N4BP2L2: variants seen among roughly 807,000 people sequenced by gnomAD.
N4BP2L2 encodes the protein NEDD4-binding protein 2-like 2.
A neutral mutation model predicts 56.2 loss-of-function variants in N4BP2L2; 50 were observed. The observed-to-expected ratio is 0.89, with a 90% CI of 0.71 to 1.13. The LOEUF is 1.13. Ranked by LOEUF, N4BP2L2 falls within the 50% of genes most tolerant of loss-of-function variation. N4BP2L2 has a pLI of 0.00. For missense variants in N4BP2L2, 689 were observed against 693.8 expected (o/e 0.99, Z 0.08); for synonymous variants, 203 against 223.6 (o/e 0.91, Z 0.82).
chr13:32,518,120 A>G, intron 5 of N4BP2L2, 117 bp from the exon 6 acceptor site: 3 of 925,178 alleles, frequency 3.2e-6, no homozygotes, highest in South Asian at 2.0e-5. Context: ...TAAACAATAT[A>G]TATTTCATCT....
intron 6 of N4BP2L2, among the ~76,000 whole-genome samples, chr13:32,456,378 A>T (rs765636904): frequency 5.9e-5 from 9 of 152,244 alleles, no homozygotes; most frequent in Non-Finnish European, 1.3e-4. Context: ...CTTAGGAAGA[A>T]GTCTTCCCCT....
chr13:32,437,042 G>A (rs1170080591), intron 8 of N4BP2L2, among the ~76,000 whole-genome samples: 12 of 151,710 alleles, frequency 7.9e-5, no homozygotes, highest in East Asian at 1.9e-4. Context: ...CACCACACAC[G>A]GCTAATTTTT....
chr13:32,467,289 CCT>C (rs1316318891), intron 6 of N4BP2L2, among the ~76,000 whole-genome samples: 3 of 150,726 alleles, frequency 2.0e-5, no homozygotes, highest in Admixed American at 6.6e-5. Flanking sequence ...ACAGAGTCTC[CCT>C]CTGTTACCCA....
rs1241680272 is a variant in N4BP2L2 at position 32,491,471 on chromosome 13, A to C, written c.365+26386T>G. Among the ~76,000 whole-genome samples the C allele has an allele frequency of 2.0e-5, 3 of 150,414 alleles. No individual in the cohort carries two copies. The Admixed American group carries it at 2.0e-4, about 10-fold the overall frequency. On this transcript the variant is annotated intron_variant, in intron 6 of 9. Transcript: ENST00000357505. ...GGTCACACCAAAAGAACTCTAGGCT[A>C]CAAAGTAGTTATGTCAATAATCAAC...
chr13:32,433,396 C>T (rs933200932), intron 9 of N4BP2L2, among the ~76,000 whole-genome samples: 1 of 152,074 alleles, frequency 6.6e-6, no homozygotes, highest in Admixed American at 6.5e-5. Context: ...TTTGGGAGGC[C>T]GAGGTGGGCA....
chr13:32,440,851 CTT>C (rs34532527), intron 7 of N4BP2L2, among the ~76,000 whole-genome samples: 18 of 134,584 alleles, frequency 1.3e-4, no homozygotes, highest in Non-Finnish European at 1.3e-4. Context: ...AAATAACAAT[CTT>C]TTTTTTTTTT....
intron 9 of N4BP2L2, among the ~76,000 whole-genome samples, chr13:32,434,290 G>T (rs2075220577): frequency 6.8e-6 from 1 of 147,564 alleles, no homozygotes; most frequent in African/African-American, 2.5e-5. Context: ...TAGAGACAGG[G>T]TTTCACCGTG....
intron 6 of N4BP2L2, chr13:32,446,339 T>C (rs2077045186): frequency 7.3e-7 from 1 of 1,361,140 alleles, no homozygotes; most frequent in Non-Finnish European, 9.8e-7. Flanking sequence ...GTTGTAACTC[T>C]CCTTCATGGC....
rs552156102 is a variant in N4BP2L2, at chr13:32,536,400, G to A, written c.628C>T (p.His210Tyr). 6 of 1,613,988 alleles carry A rather than the reference G, an allele frequency of 3.7e-6. No individual in the cohort carries two copies. In the South Asian group the frequency reaches 6.6e-5, roughly 18 times the overall value. The stretch of plus-strand genomic sequence containing the variant: ...TCAGGTTTTAAGAGACCATTATTAT[G>A]ACCCTCATAAAATGGAACAAATTGT... Residue 210 changes from histidine to tyrosine, a missense_variant, in exon 2 of 6, where the codon CAT becomes TAT. Transcript: ENST00000267068.
chr13:32,525,139 C>T (rs1365866386), intron 3 of N4BP2L2: 1 of 152,138 alleles, frequency 6.6e-6, no homozygotes, highest in African/African-American at 2.4e-5. Flanking sequence ...ACTGGCTCTG[C>T]CCTGTCTATT....
In N4BP2L2 at chr13:32,436,479, C is replaced by T. The variant is rs192735660; in HGVS notation, c.2191-74G>A. On this transcript the variant is annotated intron_variant, in intron 8 of 9. Transcript: ENST00000357505. ...GTTAAGTTTGCACTGTCATTTTACTCATGTAGGGACACTCCTAAAATGACA... is the reference window on the plus strand; with the variant it reads ...GTTAAGTTTGCACTGTCATTTTACTTATGTAGGGACACTCCTAAAATGACA... 5.8e-3 allele frequency: 3,589 copies of T among 623,572 alleles called. 12 individuals are homozygous for T. The highest frequency in any genetic ancestry group is 7.9e-3 in the Non-Finnish European group (2,937 of 372,548). 38.6% of individuals were successfully genotyped at this position (623,572 alleles called of 1,614,324 possible).
exon 6 of N4BP2L2, chr13:32,510,432 TATC>T (rs1401569244): frequency 1.3e-5 from 2 of 152,036 alleles, no homozygotes; most frequent in Non-Finnish European, 2.9e-5. Flanking sequence ...AAAATATGAT[TATC>T]AAGTCTATTG....
At chr13:32,446,382 T>G in intron 6 of N4BP2L2, 1 of 1,365,532 alleles carries the variant, frequency 7.3e-7, no homozygotes, top group South Asian at 1.1e-5. Context: ...AAGTCCTAGT[T>G]GCAGTCCAAG....
At chr13:32,445,779 G>A (rs931013472) in intron 6 of N4BP2L2, among the ~76,000 whole-genome samples, 24 of 152,226 alleles carry the variant, frequency 1.6e-4, no homozygotes, top group African/African-American at 5.5e-4. Context: ...AAGAACAATG[G>A]TGTTTCATCC....
intron 6 of N4BP2L2, among the ~76,000 whole-genome samples, chr13:32,470,687 T>C (rs1247668479): frequency 6.6e-6 from 1 of 152,172 alleles, no homozygotes; most frequent in African/African-American, 2.4e-5. Context: ...GATGGGTGCA[T>C]TAATAGGTAA....
At chr13:32,442,923 C>A (rs748885163) in exon 7 of N4BP2L2, 64 of 1,612,808 alleles carry the variant, frequency 4.0e-5, no homozygotes, top group Non-Finnish European at 5.2e-5. Context: ...CTTCACTGTT[C>A]CTTTCTGAAA....
chr13:32,509,453 G>C (rs551610567), downstream of N4BP2L2: 2 of 152,008 alleles, frequency 1.3e-5, no homozygotes, highest in Non-Finnish European at 2.9e-5. Flanking sequence ...TGCTTCCTTC[G>C]TATCAAAAGT....
chr13:32,467,454 G>C (rs1244943045), intron 6 of N4BP2L2, among the ~76,000 whole-genome samples: 1 of 151,396 alleles, frequency 6.6e-6, no homozygotes, highest in Non-Finnish European at 1.5e-5. Flanking sequence ...GATGTATTTA[G>C]TAGAGTATTT....
chr13:32,475,872 G>C (rs2083231207), intron 6 of N4BP2L2, among the ~76,000 whole-genome samples: 1 of 151,910 alleles, frequency 6.6e-6, no homozygotes, highest in African/African-American at 2.4e-5. Context: ...AGAAAAATAC[G>C]GCAAAGGGAG....
Sources: allele counts gnomAD v4.1 joint callset (sites outside exome capture counted in the v4.1 genomes callset), GRCh38; gene constraint gnomAD v4.1.1; transcripts MANE v1.5; gene names NCBI Gene and HGNC (gene_info 2026-07-23, HGNC 2026-07-21).